Variants in MEI4 observed in about 807,000 individuals in gnomAD.
The protein encoded by MEI4 is meiosis-specific protein MEI4.
A neutral mutation model predicts 31.4 loss-of-function variants in MEI4; 27 were observed. The observed-to-expected ratio is 0.86, with a 90% CI of 0.63 to 1.19. The LOEUF is 1.19. Ranked by LOEUF, MEI4 falls within the 50% of genes most tolerant of loss-of-function variation. The pLI is 0.00. For missense variants in MEI4, 329 were observed against 398.9 expected, an observed-to-expected ratio of 0.82 and a Z score of 1.49; for synonymous variants, 122 against 145.4, an observed-to-expected ratio of 0.84 and a Z score of 1.16.
chr6:77,774,483 A>T (rs1376358028), intron 3 of MEI4, among the ~76,000 whole-genome samples: 1 of 152,074 alleles, frequency 6.6e-6, no homozygotes, highest in African/African-American at 2.4e-5. Context: ...ATCCATAGAG[A>T]TAGAGAGTAA....
rs141131502 is a variant in MEI4 at position 77,716,402 on chromosome 6, G to A, written c.232+25499G>A. Among the ~76,000 whole-genome samples the A allele has an allele frequency of 1.4e-3, 213 of 152,226 alleles. 1 individual carries two copies. Among genetic ancestry groups the A allele is most frequent in the African/African-American group, 4.5e-3 (187 of 41,528 alleles). ...AGAGGAGTTATTCTCAAACTTGGCT[G>A]CACATTAGAATTACCTGTGTGCTTG... On this transcript the variant is annotated intron_variant, in intron 2 of 4. Coordinates refer to ENST00000684080, the MANE Select transcript of MEI4 (RefSeq NM_001322247.2).
At chr6:77,754,518 G>T in intron 2 of MEI4, among the ~76,000 whole-genome samples, 1 of 152,022 alleles carries the variant, frequency 6.6e-6, no homozygotes, top group East Asian at 1.9e-4. Context: ...CTGTCTTCTT[G>T]TGTACCCTCA....
intron 1 of MEI4, among the ~76,000 whole-genome samples, chr6:77,690,374 C>T (rs1446981164): frequency 6.6e-6 from 1 of 151,952 alleles, no homozygotes; most frequent in Non-Finnish European, 1.5e-5. Context: ...TGGTTAGAAA[C>T]AACTAAATGA....
intron 1 of MEI4, among the ~76,000 whole-genome samples, chr6:77,670,397 G>A (rs1486578388): frequency 2.0e-5 from 3 of 152,064 alleles, no homozygotes; most frequent in Non-Finnish European, 2.9e-5. Flanking sequence ...CAGTCACTGA[G>A]GCAGAAAAAT....
intron 3 of MEI4, among the ~76,000 whole-genome samples, chr6:77,814,916 G>A (rs1769653707): frequency 6.6e-6 from 1 of 152,032 alleles, no homozygotes; most frequent in Admixed American, 6.6e-5. Flanking sequence ...AAATTTCTAA[G>A]TTGATCAAGA....
chr6:77,739,789 C>T (rs1458679642), intron 2 of MEI4, among the ~76,000 whole-genome samples: 1 of 149,606 alleles, frequency 6.7e-6, no homozygotes, highest in Non-Finnish European at 1.5e-5. Context: ...TTTTTTGTGT[C>T]TCAATGTCTT....
At chr6:77,917,683 G>T (rs1286244099) in intron 4 of MEI4, among the ~76,000 whole-genome samples, 2 of 125,244 alleles carry the variant, frequency 1.6e-5, no homozygotes, top group Non-Finnish European at 3.3e-5. Flanking sequence ...TGTCAGATGA[G>T]TAGGTTGCAA....
chr6:77,693,581 A>G (rs570502274), intron 2 of MEI4, among the ~76,000 whole-genome samples: 20 of 152,188 alleles, frequency 1.3e-4, no homozygotes, highest in South Asian at 1.2e-3. Context: ...TGCAGGTACA[A>G]TGTTTCTGCA....
chr6:77,658,911 C>A (rs1017840952), intron 1 of MEI4, among the ~76,000 whole-genome samples: 1 of 152,222 alleles, frequency 6.6e-6, no homozygotes, highest in Non-Finnish European at 1.5e-5. Flanking sequence ...TGTTGTCATA[C>A]ACCAGGCCAG....
chr6:77,700,300 G>C (rs1766185693), intron 2 of MEI4, among the ~76,000 whole-genome samples: 1 of 152,130 alleles, frequency 6.6e-6, no homozygotes, highest in African/African-American at 2.4e-5. Flanking sequence ...AGTGGCAGGT[G>C]CCCCTCCCCC....
chr6:77,905,941 G>C (rs1295027508), intron 4 of MEI4, among the ~76,000 whole-genome samples: 1 of 150,642 alleles, frequency 6.6e-6, no homozygotes, highest in East Asian at 2.0e-4. Context: ...CAAATAACTT[G>C]TCTCTAAATC....
At chr6:77,797,035 A>G (rs1239083709) in intron 3 of MEI4, among the ~76,000 whole-genome samples, 1 of 152,138 alleles carries the variant, frequency 6.6e-6, no homozygotes, top group Non-Finnish European at 1.5e-5. Context: ...AAATAAACAC[A>G]CATGTGTATG....
chr6:77,711,810 A>G (rs1766472481), intron 2 of MEI4, among the ~76,000 whole-genome samples: 1 of 152,232 alleles, frequency 6.6e-6, no homozygotes. Flanking sequence ...TCTTTAAAAA[A>G]TTAGAAATAG....
At chr6:77,792,794 G>A (rs998077013) in intron 3 of MEI4, among the ~76,000 whole-genome samples, 1 of 151,590 alleles carries the variant, frequency 6.6e-6, no homozygotes, top group African/African-American at 2.4e-5. Flanking sequence ...CTCACTGCAA[G>A]CTCCAACTCC....
At position 77,880,895 on chromosome 6, in the gene MEI4, A is replaced by C. The variant is rs188798173; in HGVS notation, c.901-42194A>C. Among the ~76,000 whole-genome samples the C allele has an allele frequency of 5.6e-4, 86 of 152,290 alleles. 2 individuals carry two copies. The highest frequency in any genetic ancestry group is 1.5e-3 in the African/African-American group (62 of 41,580). ...CTTTTAGCTCTGGATCTAAAAAAAA[A>C]AAATTAGGTTCTACATATAGAAAAT... is the stretch of plus-strand genomic sequence containing the variant. On this transcript the variant is annotated intron_variant, in intron 4 of 4. Coordinates refer to ENST00000684080, the MANE Select transcript of MEI4 (RefSeq NM_001322247.2).
At chr6:77,805,616 G>A (rs1769410242) in intron 3 of MEI4, among the ~76,000 whole-genome samples, 1 of 152,046 alleles carries the variant, frequency 6.6e-6, no homozygotes, top group African/African-American at 2.4e-5. Context: ...CTTAGTATTA[G>A]TGTCTTAGAC....
chr6:77,749,702 A>G (rs1304498790), intron 2 of MEI4, among the ~76,000 whole-genome samples: 1 of 152,216 alleles, frequency 6.6e-6, no homozygotes, highest in Non-Finnish European at 1.5e-5. Flanking sequence ...TCTTCAGGCT[A>G]TTAGCCAGGA....
At chr6:77,773,707 CAATT>C (rs1210043579) in intron 3 of MEI4, among the ~76,000 whole-genome samples, 8 of 151,904 alleles carry the variant, frequency 5.3e-5, no homozygotes, top group Non-Finnish European at 7.4e-5. Flanking sequence ...TCAAAGAAAA[CAATT>C]AAGAAAGTGA....
intron 4 of MEI4, among the ~76,000 whole-genome samples, chr6:77,837,672 C>T (rs1032515383): frequency 6.6e-6 from 1 of 152,098 alleles, no homozygotes; most frequent in East Asian, 1.9e-4. Context: ...CTATCTTGAT[C>T]TTTACATAAA....
Sources: gnomAD v4.1 joint callset for allele counts (sites outside exome capture counted in the v4.1 genomes callset) on GRCh38, gnomAD v4.1.1 for gene constraint, MANE v1.5 for transcripts, NCBI Gene and HGNC (gene_info 2026-07-23, HGNC 2026-07-21) for gene names.